LRRN3: variants seen among roughly 807,000 people sequenced by gnomAD.
The protein encoded by LRRN3 is leucine-rich repeat neuronal protein 3.
LRRN3 carries 15 observed loss-of-function variants against 40.1 expected under a neutral mutation model. The observed-to-expected ratio is 0.37, with a 90% CI of 0.25 to 0.58. The LOEUF (loss-of-function observed/expected upper bound fraction) is 0.58. LRRN3 is among the 20% of genes least tolerant of loss of function. The pLI is 0.72. For missense variants in LRRN3, 746 were observed against 837.7 expected (o/e 0.89, Z 1.35); for synonymous variants, 308 against 297.2 (o/e 1.04, Z -0.37).
Position 111,123,761 on chromosome 7 carries a change from T to C in LRRN3, c.989T>C (p.Phe330Ser). 1 of 1,613,920 alleles carries C rather than the reference T, an allele frequency of 6.2e-7. No individual in the cohort carries two copies. The highest frequency in any genetic ancestry group is 8.5e-7 in the Non-Finnish European group (1 of 1,179,960). ...PRLSYIHPNA[F>S]FRLPKLESLM... is the part of the protein sequence containing the mutation. ...TTGTCTTACATTCACCCCAATGCAT[T>C]TTTCAGACTCCCCAAGCTGGAATCA... The change falls in exon 3 of 3, where the codon TTT (phenylalanine) becomes TCT (serine). Residue 330 changes from phenylalanine (F) to serine (S), a missense_variant. By Grantham distance (155) the Phe-to-Ser change is radical (BLOSUM62 -2). Coordinates refer to ENST00000308478, the MANE Select transcript of LRRN3 (RefSeq NM_001099658.2). This position sits in a 1 kb window ranked among gnomAD's most constrained non-coding sequence, Gnocchi z 6.4.
chr7:111,105,488 G>T (rs1010537352), intron 2 of LRRN3, among the ~76,000 whole-genome samples: 1 of 151,794 alleles, frequency 6.6e-6, no homozygotes, highest in South Asian at 2.1e-4. Context: ...ACTTACTGAC[G>T]GACAATTTAC....
At chr7:111,110,990 A>G (rs1799126715) in intron 2 of LRRN3, among the ~76,000 whole-genome samples, 1 of 152,180 alleles carries the variant, frequency 6.6e-6, no homozygotes, top group Non-Finnish European at 1.5e-5. Context: ...ATAACATAAT[A>G]TAAAACCATT....
chr7:111,094,583 T>C (rs1027104484), intron 1 of LRRN3, among the ~76,000 whole-genome samples: 10 of 152,134 alleles, frequency 6.6e-5, no homozygotes, highest in Non-Finnish European at 1.2e-4. Context: ...CATCAGTACA[T>C]CTTGTCAGTG....
chr7:111,110,294 C>T (rs1175515941), intron 2 of LRRN3, among the ~76,000 whole-genome samples: 2 of 152,112 alleles, frequency 1.3e-5, no homozygotes. Context: ...TGATAGGAAT[C>T]AGTCATTAAA....
intron 2 of LRRN3, among the ~76,000 whole-genome samples, chr7:111,107,504 T>C (rs765767391): frequency 6.6e-5 from 10 of 152,002 alleles, no homozygotes; most frequent in Non-Finnish European, 1.5e-4. Context: ...AAAAACTCAA[T>C]ATAAGCATGT....
intron 2 of LRRN3, among the ~76,000 whole-genome samples, chr7:111,113,214 T>C (rs1020065886): frequency 7.9e-5 from 12 of 152,192 alleles, no homozygotes; most frequent in Admixed American, 1.3e-4. Flanking sequence ...CAGGCTTCCT[T>C]ACCTTCTTTA....
chr7:111,109,817 T>G (rs1683104334), intron 2 of LRRN3, among the ~76,000 whole-genome samples: 1 of 152,136 alleles, frequency 6.6e-6, no homozygotes, highest in African/African-American at 2.4e-5. Flanking sequence ...GATGGAAAAC[T>G]GAAGTTAATG....
chr7:111,104,816 G>GAAGC (rs1798364593), intron 2 of LRRN3, among the ~76,000 whole-genome samples: 2 of 151,710 alleles, frequency 1.3e-5, no homozygotes, highest in Admixed American at 6.6e-5. Flanking sequence ...CATCTCATTG[G>GAAGC]AAGCAGGGCA....
rs1286725541 is a variant in LRRN3 at position 111,124,805 on chromosome 7, C to A, written c.2033C>A (p.Pro678His). The A allele has an allele frequency of 1.2e-6, 2 of 1,612,728 alleles. No homozygotes were observed. The highest frequency in any genetic ancestry group is 2.7e-5 in the African/African-American group (2 of 74,832). The change falls in exon 3 of 3, where the codon CCT (proline) becomes CAT (histidine). Residue 678 changes from proline to histidine, a missense_variant. Coordinates refer to ENST00000308478, the MANE Select transcript of LRRN3 (RefSeq NM_001099658.2). ...KPTFALGELY[P>H]PLINLWEAGK... Reference sequence around the variant, plus strand: ...ACCTTTGCATTAGGTGAGCTTTATCCTCCTCTGATAAATCTCTGGGAAGCA... The same window carrying A: ...ACCTTTGCATTAGGTGAGCTTTATCATCCTCTGATAAATCTCTGGGAAGCA...
chr7:111,121,230 G>C (rs1393620147), intron 2 of LRRN3, among the ~76,000 whole-genome samples: 1 of 152,030 alleles, frequency 6.6e-6, no homozygotes, highest in Non-Finnish European at 1.5e-5. Flanking sequence ...AAATTTGTTT[G>C]AGTTCATTGT....
At chr7:111,109,293 A>G (rs1031886144) in intron 2 of LRRN3, among the ~76,000 whole-genome samples, 2 of 152,052 alleles carry the variant, frequency 1.3e-5, no homozygotes, top group Admixed American at 1.3e-4. Flanking sequence ...CCAAGGTATG[A>G]CGGAGGCACA....
chr7:111,105,120 T>A (rs1798401009), intron 2 of LRRN3, among the ~76,000 whole-genome samples: 1 of 151,888 alleles, frequency 6.6e-6, no homozygotes, highest in Admixed American at 6.6e-5. Context: ...TATTCTTAAC[T>A]CTGTAGACTG....
intron 1 of LRRN3, among the ~76,000 whole-genome samples, chr7:111,092,168 C>T (rs747423049): frequency 1.3e-5 from 2 of 152,188 alleles, no homozygotes; most frequent in Non-Finnish European, 2.9e-5. Flanking sequence ...CCTTTAATAA[C>T]ATCCCCTCGC....
intron 1 of LRRN3, among the ~76,000 whole-genome samples, chr7:111,096,358 T>C (rs1172554484): frequency 6.6e-6 from 1 of 151,762 alleles, no homozygotes; most frequent in Non-Finnish European, 1.5e-5. Context: ...AAATGTTAGT[T>C]CCCTTTTTAT....
At chr7:111,104,194 G>C (rs368675635) in intron 2 of LRRN3, among the ~76,000 whole-genome samples, 1 of 151,362 alleles carries the variant, frequency 6.6e-6, no homozygotes, top group Non-Finnish European at 1.5e-5. Flanking sequence ...TTTACTATTC[G>C]CATCTTGAGC....
chr7:111,095,177 ATTTTTG>A (rs1797274788), intron 1 of LRRN3, among the ~76,000 whole-genome samples: 1 of 151,972 alleles, frequency 6.6e-6, no homozygotes. Context: ...ATAGAATAAA[ATTTTTG>A]AACTGAAAGA....
At chr7:111,117,018 A>C (rs1799957736) in intron 2 of LRRN3, among the ~76,000 whole-genome samples, 1 of 152,132 alleles carries the variant, frequency 6.6e-6, no homozygotes, top group Non-Finnish European at 1.5e-5. Flanking sequence ...TTAATGATTA[A>C]AGTAACTCTC....
chr7:111,106,633 G>T (rs1798579556), intron 2 of LRRN3, among the ~76,000 whole-genome samples: 1 of 149,618 alleles, frequency 6.7e-6, no homozygotes, highest in Admixed American at 6.7e-5. Flanking sequence ...GCTAAGAGAT[G>T]TGAGGGACTT....
At chr7:111,101,734 G>C (rs536482979) in intron 2 of LRRN3, among the ~76,000 whole-genome samples, 1 of 151,510 alleles carries the variant, frequency 6.6e-6, no homozygotes, top group East Asian at 1.9e-4. Context: ...TGAGTTAGGG[G>C]TTTGATTTTA....
Sources: gnomAD v4.1 joint callset for allele counts (sites outside exome capture counted in the v4.1 genomes callset) on GRCh38, gnomAD v4.1.1 for gene constraint, Gnocchi (gnomAD v3.1) non-coding constraint, MANE v1.5 for transcripts, NCBI Gene and HGNC (gene_info 2026-07-23, HGNC 2026-07-21) for gene names.